PPFIA2: variants seen among roughly 807,000 people sequenced by gnomAD.
PPFIA2 encodes PPFI scaffold protein A2.
In PPFIA2, 46 loss-of-function variants were observed where a neutral mutation model predicts 175.5. That is an observed-to-expected ratio of 0.26 (90% CI 0.21 to 0.34). The LOEUF (loss-of-function observed/expected upper bound fraction) is 0.34, where lower values mean the gene tolerates loss of function less well. PPFIA2 is among the 10% of genes least tolerant of loss of function. The pLI is 1.00. For missense variants in PPFIA2, 1,179 were observed against 1,506.1 expected, an observed-to-expected ratio of 0.78 and a Z score of 3.60; for synonymous variants, 568 against 511.4, an observed-to-expected ratio of 1.11 and a Z score of -1.49.
At chr12:81,489,054 C>T (rs979773240) in intron 4 of PPFIA2, among the ~76,000 whole-genome samples, 2 of 151,836 alleles carry the variant, frequency 1.3e-5, no homozygotes, top group Admixed American at 6.6e-5. Flanking sequence ...ACCAGATATA[C>T]CATTTACCAT....
chr12:81,701,740 TGTCA>T (rs1444840442), intron 3 of PPFIA2, among the ~76,000 whole-genome samples: 1 of 152,060 alleles, frequency 6.6e-6, no homozygotes, highest in Non-Finnish European at 1.5e-5. Flanking sequence ...CTATTCTTTC[TGTCA>T]GTATGTTGTA....
chr12:81,278,570 G>A (rs2041213869), intron 27 of PPFIA2, among the ~76,000 whole-genome samples: 1 of 150,850 alleles, frequency 6.6e-6, no homozygotes, highest in Non-Finnish European at 1.5e-5. Context: ...TCTGTTTAAG[G>A]AAAAGTAATC....
intron 4 of PPFIA2, among the ~76,000 whole-genome samples, chr12:81,632,341 T>C (rs970930674): frequency 2.0e-5 from 3 of 152,176 alleles, no homozygotes; most frequent in Non-Finnish European, 4.4e-5. Context: ...AATTATTCAA[T>C]TTCCCTTAAA....
rs1243897840 is a variant in PPFIA2 at position 81,488,560 on chromosome 12, G to C, written c.304-30694C>G. ...TCTGTCACTCACTCAAAAGCCCACG[G>C]GCCTTACAGCCTACTCTTAAGACAC... On this transcript the variant is annotated intron_variant, in intron 4 of 32. Transcript: ENST00000549396. Among the ~76,000 whole-genome samples, 5 of 151,554 alleles carry C rather than the reference G, an allele frequency of 3.3e-5. No individual in the cohort carries two copies. The East Asian group carries it at 9.7e-4, about 29-fold the overall frequency.
rs12311066 is a variant in PPFIA2, at chr12:81,724,917, A to G, written c.249+29056T>C. Among the ~76,000 whole-genome samples the G allele has an allele frequency of 2.7e-3, 414 of 151,252 alleles. 1 individual carries two copies. The highest frequency in any genetic ancestry group is 9.4e-3 in the African/African-American group (390 of 41,424). ...GAGCAATCTCCATACTGTTTCCTAC[A>G]GAAATTGTACTAATTTACATTCCCA... On this transcript the variant is annotated intron_variant, in intron 3 of 32. Transcript: ENST00000549396.
intron 4 of PPFIA2, among the ~76,000 whole-genome samples, chr12:81,474,966 A>T (rs2146441050): frequency 6.6e-6 from 1 of 152,360 alleles, no homozygotes; most frequent in South Asian, 2.1e-4. Flanking sequence ...ATAGAATAAT[A>T]CACAACACAA....
chr12:81,489,478 A>G (rs2059194834), intron 4 of PPFIA2, among the ~76,000 whole-genome samples: 1 of 151,870 alleles, frequency 6.6e-6, no homozygotes, highest in Non-Finnish European at 1.5e-5. Context: ...ACAGAGAAAA[A>G]TCATTAGACA....
intron 24 of PPFIA2, among the ~76,000 whole-genome samples, chr12:81,293,094 G>T (rs961786468): frequency 2.0e-4 from 30 of 151,680 alleles, no homozygotes; most frequent in Non-Finnish European, 7.4e-5. Flanking sequence ...CCTGAAAACT[G>T]CAATAAAGTA....
intron 3 of PPFIA2, among the ~76,000 whole-genome samples, chr12:81,729,910 T>C (rs1297480804): frequency 2.6e-5 from 4 of 151,498 alleles, no homozygotes; most frequent in Admixed American, 6.6e-5. Flanking sequence ...ACCGCAAGGA[T>C]TGAATTCAGC....
intron 4 of PPFIA2, among the ~76,000 whole-genome samples, chr12:81,546,790 G>T (rs1371125652): frequency 6.6e-6 from 1 of 151,380 alleles, no homozygotes; most frequent in Non-Finnish European, 1.5e-5. Context: ...TCTTTAGATA[G>T]ATCATGTTTT....
At chr12:81,758,855 G>C (rs2085088905) in intron 1 of PPFIA2, among the ~76,000 whole-genome samples, 1 of 152,096 alleles carries the variant, frequency 6.6e-6, no homozygotes, top group South Asian at 2.1e-4. Context: ...ACGCGGCGCC[G>C]CTCCCCCTCC....
chr12:81,650,260 C>G (rs974415813), intron 4 of PPFIA2, among the ~76,000 whole-genome samples: 1 of 152,006 alleles, frequency 6.6e-6, no homozygotes, highest in Admixed American at 6.5e-5. Flanking sequence ...CTGCCCACCT[C>G]GGCCTCCCAA....
chr12:81,478,789 T>C (rs1426856164), intron 4 of PPFIA2, among the ~76,000 whole-genome samples: 1 of 152,156 alleles, frequency 6.6e-6, no homozygotes, highest in Non-Finnish European at 1.5e-5. Flanking sequence ...AGACGGTTTG[T>C]TATGATTTCC....
chr12:81,483,683 T>G (rs192793338), intron 4 of PPFIA2, among the ~76,000 whole-genome samples: 4 of 152,212 alleles, frequency 2.6e-5, no homozygotes, highest in African/African-American at 9.6e-5. Context: ...TGCTATTTTT[T>G]TTTCTTAATA....
chr12:81,592,670 G>A (rs573811756), intron 4 of PPFIA2, among the ~76,000 whole-genome samples: 21 of 152,210 alleles, frequency 1.4e-4, no homozygotes, highest in African/African-American at 1.7e-4. Flanking sequence ...GCCTTCCACC[G>A]TGATTGTGAG....
In PPFIA2 at chr12:81,720,132, T is replaced by C. The variant is rs1035503068; in HGVS notation, c.249+33841A>G. On this transcript the variant is annotated intron_variant, in intron 3 of 32. Transcript: ENST00000549396. ...TCTTGTGAAATTACCTGTAATATAA[T>C]TGGTGAAGAAGCATGGCCTACATCT... Among the ~76,000 whole-genome samples, 3 of 151,454 alleles carry C rather than the reference T, an allele frequency of 2.0e-5. No homozygotes were observed. The Admixed American group carries it at 2.0e-4, about 10-fold the overall frequency.
At chr12:81,714,906 T>C (rs192522389) in intron 3 of PPFIA2, among the ~76,000 whole-genome samples, 1 of 151,136 alleles carries the variant, frequency 6.6e-6, no homozygotes, top group East Asian at 2.0e-4. Context: ...TAATGCTTGA[T>C]AGGAATTGCT....
Position 81,688,663 on chromosome 12 carries a change from T to C in PPFIA2, c.250-11819A>G, listed in dbSNP as rs895966642. On this transcript the variant is annotated intron_variant, in intron 3 of 32. Transcript: ENST00000549396. ...ATTTTTGTAAGAGGGAAGAATAAAATACTGTCTTTTCCAACTGTTAATAAC... is the reference window on the plus strand; with the variant it reads ...ATTTTTGTAAGAGGGAAGAATAAAACACTGTCTTTTCCAACTGTTAATAAC... 6.6e-5 allele frequency among the ~76,000 whole-genome samples: 10 copies of C among 151,130 alleles called. 1 individual carries two copies. In the South Asian group the frequency reaches 2.1e-3, roughly 31 times the overall value.
intron 8 of PPFIA2, 34 bp from the exon 9 acceptor site, chr12:81,384,278 A>AT: frequency 7.7e-7 from 1 of 1,296,632 alleles, no homozygotes. Flanking sequence ...GCACTTAAGA[A>AT]TTTTCATCTT....
Sources: allele counts gnomAD v4.1 joint callset (sites outside exome capture counted in the v4.1 genomes callset), GRCh38; gene constraint gnomAD v4.1.1; transcripts MANE v1.5; gene names NCBI Gene and HGNC (gene_info 2026-07-23, HGNC 2026-07-21).